LARGE1: variants seen among roughly 807,000 people sequenced by gnomAD.
LARGE1 encodes the protein LARGE xylosyl- and glucuronyltransferase 1, also known as xylosyl- and glucuronyltransferase LARGE1.
LARGE1 carries 43 observed loss-of-function variants against 87.6 expected under a neutral mutation model. The observed-to-expected ratio is 0.49, with a 90% CI of 0.38 to 0.63. The LOEUF is 0.63. Ranked by LOEUF, LARGE1 falls within the 30% of genes least tolerant of loss-of-function variation. The pLI is 0.00. For synonymous variants in LARGE1, 434 were observed against 394.6 expected (o/e 1.10, Z -1.18); for missense variants, 802 against 1,000.2 (o/e 0.80, Z 2.67).
chr22:33,521,703 C>T (rs145808190), intron 6 of LARGE1, among the ~76,000 whole-genome samples: 113 of 152,280 alleles, frequency 7.4e-4, no homozygotes, highest in Middle Eastern at 3.4e-3. Context: ...CATATACATA[C>T]ACCACGTTTT....
chr22:33,905,693 C>T (rs1370500610), intron 1 of LARGE1, among the ~76,000 whole-genome samples: 3 of 152,094 alleles, frequency 2.0e-5, no homozygotes, highest in Admixed American at 1.3e-4. Context: ...AAGAGGCAAC[C>T]ATGTGGCATT....
At chr22:33,767,204 C>T (rs990351195) in intron 1 of LARGE1, among the ~76,000 whole-genome samples, 1 of 150,748 alleles carries the variant, frequency 6.6e-6, no homozygotes, top group South Asian at 2.1e-4. Context: ...TGCCTGTAAT[C>T]CCAGCTACTG....
intron 13 of LARGE1, among the ~76,000 whole-genome samples, chr22:33,281,508 G>A (rs1275745230): frequency 6.6e-6 from 1 of 152,112 alleles, no homozygotes; most frequent in East Asian, 1.9e-4. Flanking sequence ...TGTGTCATTG[G>A]GCAAGTTATT....
intron 4 of LARGE1, among the ~76,000 whole-genome samples, chr22:33,605,370 T>G (rs1165284885): frequency 6.6e-6 from 1 of 152,074 alleles, no homozygotes; most frequent in Non-Finnish European, 1.5e-5. Flanking sequence ...CCAAGGAGCA[T>G]TACGCAAGGG....
chr22:33,248,725 C>G (rs775483424), intron 11 of LARGE1, among the ~76,000 whole-genome samples: 12 of 152,228 alleles, frequency 7.9e-5, no homozygotes, highest in East Asian at 1.9e-4. Flanking sequence ...ACTCCCAACA[C>G]TCCCTCCACA....
chr22:33,877,865 T>G (rs1055188093), intron 1 of LARGE1, among the ~76,000 whole-genome samples: 10 of 151,754 alleles, frequency 6.6e-5, no homozygotes, highest in Non-Finnish European at 1.2e-4. Flanking sequence ...GAGGCTGCAG[T>G]GAGCCGAGAT....
At chr22:33,793,032 A>C (rs550706036) in intron 1 of LARGE1, among the ~76,000 whole-genome samples, 4 of 152,314 alleles carry the variant, frequency 2.6e-5, no homozygotes, top group Admixed American at 2.0e-4. Flanking sequence ...CCAGAGGAGG[A>C]GACGGAGGCA....
At chr22:33,306,534 T>C (rs927408750) in intron 11 of LARGE1, among the ~76,000 whole-genome samples, 2 of 152,048 alleles carry the variant, frequency 1.3e-5, no homozygotes, top group Non-Finnish European at 2.9e-5. Context: ...CCCTGCCCCG[T>C]GACCTGCCAC....
At chr22:33,124,817 C>T in the LARGE1 span, among the ~76,000 whole-genome samples, 4 of 152,148 alleles carry the variant, frequency 2.6e-5, no homozygotes, top group East Asian at 5.8e-4. Context: ...GCCTGGGCAA[C>T]ATAGCAAGAT....
chr22:33,674,958 T>C (rs930612777), intron 2 of LARGE1, among the ~76,000 whole-genome samples: 5 of 151,310 alleles, frequency 3.3e-5, no homozygotes, highest in African/African-American at 1.2e-4. Flanking sequence ...ATCCAGCATA[T>C]AGTAGGGGCT....
At chr22:33,406,791 A>G (rs2066115345) in intron 7 of LARGE1, among the ~76,000 whole-genome samples, 1 of 152,040 alleles carries the variant, frequency 6.6e-6, no homozygotes, top group South Asian at 2.1e-4. Flanking sequence ...GTGAAAATGC[A>G]TTTATTTATT....
intron 9 of LARGE1, among the ~76,000 whole-genome samples, chr22:33,369,820 T>TG (rs1330333813): frequency 1.3e-5 from 2 of 152,116 alleles, no homozygotes; most frequent in African/African-American, 4.8e-5. Flanking sequence ...CCACCTGCCT[T>TG]GGCCTCCCAA....
chr22:33,420,958 G>A (rs142791589), intron 7 of LARGE1, among the ~76,000 whole-genome samples: 1 of 152,100 alleles, frequency 6.6e-6, no homozygotes, highest in Admixed American at 6.6e-5. Context: ...GAGGCCGAGG[G>A]GGGTGAATCA....
In LARGE1 at chr22:33,287,509, A is replaced by G. The variant is rs77476376; in HGVS notation, c.1731-4161T>C. Among the ~76,000 whole-genome samples the G allele has an allele frequency of 7.9e-3, 1,198 of 152,336 alleles. 16 individuals are homozygous for G. The highest frequency in any genetic ancestry group is 0.027 in the African/African-American group (1,141 of 41,574). On this transcript the variant is annotated intron_variant, in intron 12 of 14. Transcript: ENST00000397394. Reference sequence around the variant, plus strand: ...AATACCGATGTCCTGAAAGGGTCTCATTATGAAGTTGTTTCAGCAATAAAC... The same window carrying G: ...AATACCGATGTCCTGAAAGGGTCTCGTTATGAAGTTGTTTCAGCAATAAAC...
Position 33,183,830 on chromosome 22 carries a change from C to A in LARGE1, c.1731-16998G>T, listed in dbSNP as rs562409095. Among the ~76,000 whole-genome samples, 3 of 151,798 alleles carry A rather than the reference C, an allele frequency of 2.0e-5. No individual in the cohort carries two copies. In the South Asian group the frequency reaches 6.2e-4, roughly 32 times the overall value. Reference sequence around the variant, plus strand: ...AAACTGACAGAAGCAGAGAGTAGAACGGTGGTTGTCAGAGGCTGGGGGGTA... The same window carrying A: ...AAACTGACAGAAGCAGAGAGTAGAAAGGTGGTTGTCAGAGGCTGGGGGGTA... On this transcript the variant is annotated intron_variant, in intron 11 of 11. Coordinates refer to the LARGE1 transcript ENST00000608642.
intron 1 of LARGE1, among the ~76,000 whole-genome samples, chr22:33,906,783 A>G (rs1366020365): frequency 6.6e-6 from 1 of 152,134 alleles, no homozygotes; most frequent in Non-Finnish European, 1.5e-5. Context: ...AGGGCTAAGA[A>G]GAGAAAGACT....
chr22:33,511,014 C>T (rs996357993), intron 6 of LARGE1, among the ~76,000 whole-genome samples: 2 of 152,088 alleles, frequency 1.3e-5, no homozygotes, highest in East Asian at 1.9e-4. Flanking sequence ...TGGCGGGTGC[C>T]GATACAGTTC....
intron 7 of LARGE1, among the ~76,000 whole-genome samples, chr22:33,427,797 A>C (rs898112375): frequency 6.6e-6 from 1 of 152,232 alleles, no homozygotes; most frequent in South Asian, 2.1e-4. Flanking sequence ...TGAGGTCCCC[A>C]GTTCATAAAT....
chr22:33,845,554 C>A (rs557205530), intron 1 of LARGE1, among the ~76,000 whole-genome samples: 2 of 152,056 alleles, frequency 1.3e-5, no homozygotes, highest in Non-Finnish European at 2.9e-5. Context: ...ATCATCTACC[C>A]GCCTCAGCCT....
Sources: allele counts gnomAD v4.1 joint callset (sites outside exome capture counted in the v4.1 genomes callset), GRCh38; gene constraint gnomAD v4.1.1; transcripts MANE v1.5; gene names NCBI Gene and HGNC (gene_info 2026-07-23, HGNC 2026-07-21).